HDHD5: variants seen among roughly 807,000 people sequenced by gnomAD.
HDHD5 encodes the protein haloacid dehalogenase-like hydrolase domain-containing 5.
A neutral mutation model predicts 35.5 loss-of-function variants in HDHD5; 34 were observed. The observed-to-expected ratio is 0.96, with a 90% CI of 0.73 to 1.28. The LOEUF is 1.28. Ranked by LOEUF, HDHD5 falls within the 50% of genes most tolerant of loss-of-function variation. HDHD5 has a pLI of 0.00. For missense variants in HDHD5, 589 were observed against 560.2 expected (o/e 1.05, Z -0.52); for synonymous variants, 248 against 240.6 (o/e 1.03, Z -0.29).
intron 1 of HDHD5, among the ~76,000 whole-genome samples, chr22:17,154,184 GTTTCT>G (rs1162440880): frequency 6.7e-6 from 1 of 148,832 alleles, no homozygotes; most frequent in African/African-American, 2.5e-5. Context: ...AAGAAACAGT[GTTTCT>G]TTAAGAAACT....
At chr22:17,149,783 AC>A in intron 1 of HDHD5, 38 bp from the exon 2 acceptor site, 1 of 1,576,526 alleles carries the variant, frequency 6.3e-7, no homozygotes, top group Non-Finnish European at 8.7e-7. Context: ...TACGTGAGTA[AC>A]AAAGAAACAA....
At chr22:17,144,064 G>A (rs189197256) in intron 4 of HDHD5, among the ~76,000 whole-genome samples, 78 of 152,332 alleles carry the variant, frequency 5.1e-4, no homozygotes, top group African/African-American at 1.8e-3. Flanking sequence ...CCTCTCCCGA[G>A]GGCAGCTCAG....
chr22:17,143,194 C>G, intron 4 of HDHD5, 63 bp from the exon 5 acceptor site: 1 of 1,566,800 alleles, frequency 6.4e-7, no homozygotes, highest in Non-Finnish European at 8.7e-7. Flanking sequence ...AGAACCACAA[C>G]CCCACCTCCA....
chr22:17,159,527 T>A (rs1265514989), upstream of HDHD5: 2 of 459,224 alleles, frequency 4.4e-6, no homozygotes, highest in Admixed American at 2.4e-5. Context: ...GCGTCCGTAC[T>A]ATCGCCCTGT....
At chr22:17,161,564 C>CAA (rs879664806), upstream of HDHD5, among the ~76,000 whole-genome samples, 1 of 115,660 alleles carries the variant, frequency 8.6e-6, no homozygotes, top group Non-Finnish European at 1.8e-5. Context: ...ACTATGTCTC[C>CAA]AAAAAAAAAA....
chr22:17,165,126 T>C (rs1193460838), intron 1 of HDHD5: 1 of 724,584 alleles, frequency 1.4e-6, no homozygotes, highest in African/African-American at 1.7e-5. Flanking sequence ...TATTTCCTAC[T>C]AGTCATGTTT....
chr22:17,151,202 CTCT>C (rs1338616302), intron 1 of HDHD5, among the ~76,000 whole-genome samples: 2 of 152,184 alleles, frequency 1.3e-5, no homozygotes, highest in African/African-American at 2.4e-5. Flanking sequence ...AAAAAATTAT[CTCT>C]TTTCTATCTG....
At chr22:17,143,180 C>CA (rs2061619004) in intron 4 of HDHD5, 49 bp from the exon 5 acceptor site, 1 of 1,590,850 alleles carries the variant, frequency 6.3e-7, no homozygotes, top group East Asian at 2.3e-5. Context: ...CCTTCCACTC[C>CA]AGGAGAACCA....
At chr22:17,159,850 T>G, upstream of HDHD5, 1 of 250,772 alleles carries the variant, frequency 4.0e-6, no homozygotes, top group South Asian at 3.5e-5. Context: ...ACAAAATGAC[T>G]ACTCCAGAGA....
upstream of HDHD5, chr22:17,159,396 G>A (rs1326405007): frequency 3.2e-6 from 3 of 940,520 alleles, no homozygotes; most frequent in African/African-American, 5.2e-5. Flanking sequence ...GGCGCCTATG[G>A]AACTCGACCC....
At chr22:17,159,295 C>T (rs1406523193), upstream of HDHD5, 3 of 1,236,872 alleles carry the variant, frequency 2.4e-6, no homozygotes, top group South Asian at 3.5e-5. Flanking sequence ...GGCCCCCCCC[C>T]CCCGCGAGTC....
chr22:17,137,654 G>GTAGAT lies in HDHD5; in HGVS notation c.*366_*367insATCTA. ...TGCCGACAGGCTGCATGCCTTCAGTGCCGGCAAAGGCTCTGCACAGACATC... is the reference window on the plus strand; with the variant it reads ...TGCCGACAGGCTGCATGCCTTCAGTGTAGATCCGGCAAAGGCTCTGCACAGACATC... On this transcript the variant is annotated 3_prime_UTR_variant, in exon 8 of 8. Transcript: ENST00000336737. The GTAGAT allele has an allele frequency of 9.9e-6, 2 of 201,472 alleles. No individual in the cohort carries two copies. Among genetic ancestry groups the GTAGAT allele is most frequent in the Admixed American group, 5.5e-5 (1 of 18,096 alleles). 12.5% of individuals were successfully genotyped at this position (201,472 alleles called of 1,614,324 possible). A position where few individuals can be genotyped will look rare whatever the true frequency, so the allele number is the denominator to read the frequency against.
chr22:17,164,235 A>T (rs1453422725), upstream of HDHD5, among the ~76,000 whole-genome samples: 1 of 151,874 alleles, frequency 6.6e-6, no homozygotes, highest in Admixed American at 6.6e-5. Flanking sequence ...AAAAAAAAAA[A>T]AAAAAAAAAG....
chr22:17,157,809 T>C (rs763516296), intron 1 of HDHD5, among the ~76,000 whole-genome samples: 11 of 152,196 alleles, frequency 7.2e-5, no homozygotes, highest in Non-Finnish European at 1.6e-4. Context: ...GTTAAGAGCT[T>C]AGACTCTGGC....
At chr22:17,140,840 C>T (rs1042267281) in intron 6 of HDHD5, among the ~76,000 whole-genome samples, 2 of 152,182 alleles carry the variant, frequency 1.3e-5, no homozygotes, top group African/African-American at 2.4e-5. Flanking sequence ...TCAATACATC[C>T]TCAGACTCCA....
At position 17,158,178 on chromosome 22, in the gene HDHD5, G is replaced by A. The variant is rs568338201; in HGVS notation, c.126+948C>T. On this transcript the variant is annotated intron_variant, in intron 1 of 7. Transcript: ENST00000336737. The stretch of plus-strand genomic sequence containing the variant: ...TCTACTAAAAATACAAAAATTAGCC[G>A]GATGTGGTGGCGGGTGCCTGTAATC... 3.4e-3 allele frequency among the ~76,000 whole-genome samples: 522 copies of A among 152,152 alleles called. 2 individuals carry two copies. Among genetic ancestry groups the A allele is most frequent in the Non-Finnish European group, 6.3e-3 (427 of 67,998 alleles).
chr22:17,145,026 T>C lies in HDHD5; in HGVS notation c.535A>G (p.Thr179Ala), dbSNP rs1208244314. 6.2e-7 allele frequency: 1 copy of C among 1,613,710 alleles called. No homozygotes were observed. The highest frequency in any genetic ancestry group is 8.5e-7 in the Non-Finnish European group (1 of 1,179,932). ...GCCCAACCCATGCTCCTTATTACCG[T>C]GGTCTTTAGCCGCCGCTCCAGGTCC... ...MVDLERRLKT[T>A]PLPRNDFPRI... Residue 179 changes from threonine to alanine, a missense_variant and splice_region_variant, in exon 4 of 8, where the codon ACG (threonine) becomes GCG (alanine). Coordinates refer to ENST00000336737, the MANE Select transcript of HDHD5 (RefSeq NM_033070.3).
chr22:17,157,114 A>ACACACAC (rs1555881519), intron 1 of HDHD5, among the ~76,000 whole-genome samples: 12 of 148,170 alleles, frequency 8.1e-5, no homozygotes, highest in East Asian at 4.9e-4. Context: ...ACACACACAC[A>ACACACAC]AAAGAAAAAA....
In HDHD5 at chr22:17,152,393, A is replaced by C. The variant is rs577495903; in HGVS notation, c.127-2648T>G. Reference sequence around the variant, plus strand: ...GATCAGGGGGCATTATCAGAGACAGAACAGTCATGACTTGGTAACCATCCA... The same window carrying C: ...GATCAGGGGGCATTATCAGAGACAGCACAGTCATGACTTGGTAACCATCCA... On this transcript the variant is annotated intron_variant, in intron 1 of 7. Coordinates refer to ENST00000336737, the MANE Select transcript of HDHD5 (RefSeq NM_033070.3). Among the ~76,000 whole-genome samples the C allele has an allele frequency of 3.9e-5, 6 of 152,210 alleles. No homozygotes were observed. In the East Asian group the frequency reaches 9.6e-4, roughly 24 times the overall value.
Sources: allele counts gnomAD v4.1 joint callset (sites outside exome capture counted in the v4.1 genomes callset), GRCh38; gene constraint gnomAD v4.1.1; transcripts MANE v1.5; gene names NCBI Gene and HGNC (gene_info 2026-07-23, HGNC 2026-07-21).